Variants in CDK7 observed in about 807,000 individuals in gnomAD.
CDK7 encodes the protein cyclin dependent kinase 7.
A neutral mutation model predicts 49.1 loss-of-function variants in CDK7; 25 were observed. The ratio of observed to expected loss-of-function variants is 0.51; its 90% CI spans 0.37 to 0.71. CDK7 has a LOEUF of 0.71. CDK7 is among the 30% of genes least tolerant of loss of function. The probability of loss-of-function intolerance (pLI) is 0.00; values close to 1 mark genes in which losing one functional copy is unlikely to be tolerated. For missense variants in CDK7, 316 were observed against 411.7 expected, an observed-to-expected ratio of 0.77 and a Z score of 2.01; for synonymous variants, 107 against 140.0, an observed-to-expected ratio of 0.76 and a Z score of 1.67.
intron 3 of CDK7, among the ~76,000 whole-genome samples, chr5:69,253,359 G>T (rs1750274547): frequency 6.6e-6 from 1 of 151,972 alleles, no homozygotes; most frequent in South Asian, 2.1e-4. Context: ...CTACCTCCCG[G>T]GTTCAAGCGA....
intron 3 of CDK7, among the ~76,000 whole-genome samples, chr5:69,252,945 A>G (rs1750247326): frequency 6.6e-6 from 1 of 152,174 alleles, no homozygotes; most frequent in African/African-American, 2.4e-5. Flanking sequence ...GGTGATTTTT[A>G]CTTACTGGAT....
In CDK7 at chr5:69,234,936, G is replaced by A; in HGVS notation, c.-40G>A. On this transcript the variant is annotated 5_prime_UTR_variant, in exon 1 of 12. Transcript: ENST00000256443. ...GCTTTAAATTCGTGTTGTCCTGGGAGCTCGCCCTTTTCGGCTGGAGTCGGG... is the reference window on the plus strand; with the variant it reads ...GCTTTAAATTCGTGTTGTCCTGGGAACTCGCCCTTTTCGGCTGGAGTCGGG... 1.3e-6 allele frequency: 2 copies of A among 1,561,412 alleles called. No homozygotes were observed. Among genetic ancestry groups the A allele is most frequent in the Non-Finnish European group, 1.7e-6 (2 of 1,149,862 alleles).
intron 2 of CDK7, among the ~76,000 whole-genome samples, chr5:69,251,097 C>CTTTT (rs34886081): frequency 2.2e-5 from 3 of 135,840 alleles, no homozygotes; most frequent in Non-Finnish European, 4.7e-5. Flanking sequence ...GCCCCGGTAA[C>CTTTT]TTTTTTTTTT....
At chr5:69,240,356 A>G (rs767144359) in intron 2 of CDK7, among the ~76,000 whole-genome samples, 13 of 152,192 alleles carry the variant, frequency 8.5e-5, no homozygotes, top group Non-Finnish European at 1.9e-4. Context: ...CTACTGTGGC[A>G]TTATTGTTAA....
intron 7 of CDK7, among the ~76,000 whole-genome samples, chr5:69,261,520 GTGTGTA>G (rs1561365762): frequency 3.5e-5 from 5 of 144,094 alleles, no homozygotes; most frequent in African/African-American, 9.9e-5. Context: ...GTGTGTGTGT[GTGTGTA>G]TGTGTGTGTG....
At chr5:69,247,523 T>A (rs547827514) in intron 2 of CDK7, among the ~76,000 whole-genome samples, 78 of 151,978 alleles carry the variant, frequency 5.1e-4, no homozygotes, top group African/African-American at 1.8e-3. Context: ...TTTTTTTTTT[T>A]ATCCATTCAG....
chr5:69,276,447 T>C, intron 10 of CDK7, 96 bp from the exon 11 acceptor site: 1 of 1,081,392 alleles, frequency 9.2e-7, no homozygotes, highest in South Asian at 1.4e-5. Flanking sequence ...ATTCACATAG[T>C]ATTTTTAATG....
In CDK7 at chr5:69,237,407, C is replaced by T. The variant is rs1455415932; in HGVS notation, c.126+1954C>T. 1.8e-4 allele frequency among the ~76,000 whole-genome samples: 27 copies of T among 152,132 alleles called. 1 individual carries two copies. Among genetic ancestry groups the T allele is most frequent in the Admixed American group, 1.7e-3 (26 of 15,260 alleles). ...CTGGCTTCTTGGTTGGTATATTTTC[C>T]GTCTAGAACATGGCATGGCTGATTC... On this transcript the variant is annotated intron_variant, in intron 2 of 11. Coordinates refer to ENST00000256443, the MANE Select transcript of CDK7 (RefSeq NM_001799.4).
chr5:69,266,597 C>T (rs1751174997), intron 8 of CDK7, among the ~76,000 whole-genome samples: 1 of 151,824 alleles, frequency 6.6e-6, no homozygotes, highest in African/African-American at 2.4e-5. Context: ...TTCAAATTCT[C>T]ATTTAATAGT....
intron 2 of CDK7, among the ~76,000 whole-genome samples, chr5:69,241,986 A>G (rs1035022429): frequency 2.7e-4 from 41 of 152,086 alleles, no homozygotes; most frequent in Admixed American, 1.1e-3. Flanking sequence ...ACCCAGTCCA[A>G]TGTTCTGGAG....
intron 8 of CDK7, among the ~76,000 whole-genome samples, chr5:69,264,199 CA>C (rs1307736227): frequency 6.6e-6 from 1 of 152,080 alleles, no homozygotes; most frequent in Non-Finnish European, 1.5e-5. Context: ...GCCCCCTTTC[CA>C]AATATTCAGA....
chr5:69,236,954 CTTTTTTTTTTTT>C (rs4053029), intron 2 of CDK7, among the ~76,000 whole-genome samples: 4 of 84,268 alleles, frequency 4.7e-5, no homozygotes, highest in Non-Finnish European at 4.5e-5. Context: ...GCCTGGCCTT[CTTTTTTTTTTTT>C]TTTTTTTTTT....
chr5:69,241,768 T>C (rs1179390004), intron 2 of CDK7, among the ~76,000 whole-genome samples: 1 of 152,252 alleles, frequency 6.6e-6, no homozygotes, highest in Non-Finnish European at 1.5e-5. Flanking sequence ...TAGATTTTTT[T>C]CATATAGAGT....
Position 69,240,097 on chromosome 5 carries a change from A to T in CDK7, c.126+4644A>T, listed in dbSNP as rs577063551. On this transcript the variant is annotated intron_variant, in intron 2 of 11. Coordinates refer to ENST00000256443, the MANE Select transcript of CDK7 (RefSeq NM_001799.4). ...TGAGTTGTAATGCCAAATTCCCCAT[A>T]CCCTTGCAATACCAAGTTCCAGTAT... Among the ~76,000 whole-genome samples, 8 of 151,908 alleles carry T rather than the reference A, an allele frequency of 5.3e-5. No homozygotes were observed. The East Asian group carries it at 1.4e-3, about 26-fold the overall frequency.
chr5:69,273,344 A>G (rs180671062), intron 10 of CDK7, among the ~76,000 whole-genome samples: 8 of 152,246 alleles, frequency 5.3e-5, no homozygotes, highest in Admixed American at 5.2e-4. Flanking sequence ...AAAGAAAACC[A>G]AGGCTTTTTA....
chr5:69,259,593 T>C (rs1468812227), intron 6 of CDK7, among the ~76,000 whole-genome samples: 2 of 152,212 alleles, frequency 1.3e-5, no homozygotes, highest in Non-Finnish European at 2.9e-5. Context: ...CTATGAAGTA[T>C]GTAAATTATG....
Position 69,269,300 on chromosome 5 carries a change from C to T in CDK7, c.714+7C>T. 2 of 1,589,682 alleles carry T rather than the reference C, an allele frequency of 1.3e-6. No individual in the cohort carries two copies. On this transcript the variant is annotated splice_region_variant and intron_variant, in intron 9 of 11. Coordinates refer to ENST00000256443, the MANE Select transcript of CDK7 (RefSeq NM_001799.4). ...AACTGAGGAACAGTGGCCGGTAAGC[C>T]TTTATGCATTTTCTTTGAAATGTAA...
chr5:69,273,154 TTTTTG>T (rs1467992603), intron 10 of CDK7, 113 bp downstream of exon 10: 9 of 763,252 alleles, frequency 1.2e-5, no homozygotes, highest in Non-Finnish European at 1.8e-5. Flanking sequence ...GAAAGATGTG[TTTTTG>T]TTTTAAGAAA....
In CDK7 at chr5:69,234,955, A is replaced by C; in HGVS notation, c.-21A>C. The C allele has an allele frequency of 3.2e-6, 5 of 1,582,980 alleles. No homozygotes were observed. Among genetic ancestry groups the C allele is most frequent in the Non-Finnish European group, 4.3e-6 (5 of 1,164,658 alleles). ...CTGGGAGCTCGCCCTTTTCGGCTGG[A>C]GTCGGGCTTTACGGCGCCGGATGGC... On this transcript the variant is annotated 5_prime_UTR_variant, in exon 1 of 12. Coordinates refer to ENST00000256443, the MANE Select transcript of CDK7 (RefSeq NM_001799.4).
Sources: gnomAD v4.1 joint callset for allele counts (sites outside exome capture counted in the v4.1 genomes callset) on GRCh38, gnomAD v4.1.1 for gene constraint, MANE v1.5 for transcripts, NCBI Gene and HGNC (gene_info 2026-07-23, HGNC 2026-07-21) for gene names.